LRP12: variants seen among roughly 807,000 people sequenced by gnomAD.
LRP12 encodes the protein low-density lipoprotein receptor-related protein 12.
Under a neutral mutation model 66.0 loss-of-function variants are expected in LRP12, and 14 were observed. That is an observed-to-expected ratio of 0.21 (90% CI 0.14 to 0.33). LRP12 has a LOEUF of 0.33. Among genes scored for constraint, LRP12 ranks in the 10% least tolerant of loss-of-function variants. The pLI is 1.00. For synonymous variants in LRP12, 357 were observed against 359.1 expected (o/e 0.99, Z 0.07); for missense variants, 889 against 1,053.4 (o/e 0.84, Z 2.16).
At chr8:104,502,015 G>C (rs991806826) in intron 3 of LRP12, among the ~76,000 whole-genome samples, 19 of 152,240 alleles carry the variant, frequency 1.2e-4, no homozygotes, top group African/African-American at 3.9e-4. Context: ...TAGAAAATGA[G>C]ATTCTTCTTT....
At chr8:104,492,628 CTT>C (rs1810654523) in intron 6 of LRP12, among the ~76,000 whole-genome samples, 2 of 152,078 alleles carry the variant, frequency 1.3e-5, no homozygotes, top group African/African-American at 4.8e-5. Flanking sequence ...TTCTGTATCT[CTT>C]TGTGACTGGT....
rs1315440661 is a variant in LRP12 at position 104,577,767 on chromosome 8, CG to C, written c.79+11051del. ...CGGAGCTTGCAGTGAGCCAAGACTG[CG>C]CCACTGTGCTCCAGCCTGGGTAACA... is the stretch of plus-strand genomic sequence containing the variant. On this transcript the variant is annotated intron_variant, in intron 1 of 6. Coordinates refer to ENST00000276654, the MANE Select transcript of LRP12 (RefSeq NM_013437.5). 7.5e-5 allele frequency among the ~76,000 whole-genome samples: 11 copies of C among 146,606 alleles called. No homozygotes were observed. In the Admixed American group the frequency reaches 7.7e-4, roughly 10 times the overall value.
At chr8:104,566,756 G>A (rs774791131) in intron 1 of LRP12, among the ~76,000 whole-genome samples, 11 of 152,012 alleles carry the variant, frequency 7.2e-5, no homozygotes, top group Non-Finnish European at 1.0e-4. Flanking sequence ...TCTTCAATAC[G>A]TTATTTAATT....
intron 1 of LRP12, among the ~76,000 whole-genome samples, chr8:104,570,797 C>T (rs1007630180): frequency 6.6e-6 from 1 of 151,922 alleles, no homozygotes; most frequent in African/African-American, 2.4e-5. Context: ...AAAACTTTTC[C>T]TTTGCCAATG....
intron 2 of LRP12, 39 bp from the exon 3 acceptor site, chr8:104,509,113 C>T (rs368532895): frequency 1.3e-6 from 2 of 1,597,396 alleles, no homozygotes; most frequent in Non-Finnish European, 1.7e-6. Context: ...TATTATTACA[C>T]ATTTAAATGG....
At position 104,588,959 on chromosome 8, in the gene LRP12, A is replaced by AGACGAC. The variant is rs780751873; in HGVS notation, c.-68_-63dup. 5.3e-5 allele frequency: 57 copies of AGACGAC among 1,080,614 alleles called. No individual in the cohort carries two copies. The highest frequency in any genetic ancestry group is 2.2e-4 in the Middle Eastern group (1 of 4,506). The allele number at this position is 1,080,614 out of a possible 1,614,324, so 66.9% of individuals were successfully genotyped here. ...GGAGGAGGGAGGAGAAGCTGGAGGT[A>AGACGAC]GACGACGCCGACGCCGCCGCCGCCG... On this transcript the variant is annotated 5_prime_UTR_variant, in exon 1 of 7. Transcript: ENST00000276654.
At chr8:104,521,524 G>C (rs535713640) in intron 2 of LRP12, among the ~76,000 whole-genome samples, 1 of 151,104 alleles carries the variant, frequency 6.6e-6, no homozygotes, top group South Asian at 2.1e-4. Flanking sequence ...AAGGGAGTTC[G>C]CTACTTTAAA....
At chr8:104,502,923 C>T (rs993622546) in intron 3 of LRP12, among the ~76,000 whole-genome samples, 16 of 152,090 alleles carry the variant, frequency 1.1e-4, no homozygotes, top group Admixed American at 3.9e-4. Context: ...AGGTGGCTCA[C>T]GCCGTAATCC....
At chr8:104,581,215 T>C (rs983836309) in intron 1 of LRP12, among the ~76,000 whole-genome samples, 1 of 152,112 alleles carries the variant, frequency 6.6e-6, no homozygotes, top group Non-Finnish European at 1.5e-5. Flanking sequence ...TTCTCACTTA[T>C]AAGTGGGAGC....
At position 104,528,778 on chromosome 8, in the gene LRP12, C is replaced by CA. The variant is rs11315340; in HGVS notation, c.136+3128dup. 0.012 allele frequency among the ~76,000 whole-genome samples: 1,719 copies of CA among 144,196 alleles called. 101 individuals carry two copies. In the East Asian group the frequency reaches 0.18, roughly 15 times the overall value. 94.6% of individuals were successfully genotyped at this position (144,196 alleles called of 152,430 possible). ...CAACAGAGAGAGTGAGACTCCATCT[C>CA]AAAAAAAAAACAACAACAAAAAACA... On this transcript the variant is annotated intron_variant, in intron 2 of 6. Coordinates refer to ENST00000276654, the MANE Select transcript of LRP12 (RefSeq NM_013437.5).
At chr8:104,544,085 A>G (rs995745407) in intron 1 of LRP12, among the ~76,000 whole-genome samples, 1 of 152,234 alleles carries the variant, frequency 6.6e-6, no homozygotes, top group South Asian at 2.1e-4. Flanking sequence ...AACACAAATG[A>G]TAAGAAAGCA....
chr8:104,587,137 T>G (rs1451844635), intron 1 of LRP12, among the ~76,000 whole-genome samples: 1 of 152,166 alleles, frequency 6.6e-6, no homozygotes, highest in Non-Finnish European at 1.5e-5. Flanking sequence ...TGACACAGGT[T>G]TTAATGAAAG....
intron 1 of LRP12, among the ~76,000 whole-genome samples, chr8:104,573,863 A>G (rs1812120738): frequency 6.6e-6 from 1 of 152,070 alleles, no homozygotes; most frequent in Admixed American, 6.5e-5. Flanking sequence ...GGCAGAAGAA[A>G]GCTAAGACTG....
Position 104,490,557 on chromosome 8 carries a change from A to C in LRP12, c.*116T>G, listed in dbSNP as rs978425055. The C allele has an allele frequency of 6.7e-6, 8 of 1,197,970 alleles. No homozygotes were observed. Among genetic ancestry groups the C allele is most frequent in the Non-Finnish European group, 9.3e-6 (8 of 857,814 alleles). 74.2% of individuals were successfully genotyped at this position (1,197,970 alleles called of 1,614,324 possible). On this transcript the variant is annotated 3_prime_UTR_variant, in exon 7 of 7. Coordinates refer to ENST00000276654, the MANE Select transcript of LRP12 (RefSeq NM_013437.5). ...ACCATGCAGGCTAACATATAATAAT[A>C]AGAAATCACCCTGCATTTTTTCTTT...
At chr8:104,588,153 G>C (rs1019171259) in intron 1 of LRP12, among the ~76,000 whole-genome samples, 2 of 152,162 alleles carry the variant, frequency 1.3e-5, no homozygotes, top group African/African-American at 4.8e-5. Flanking sequence ...ATTGAACTAG[G>C]AGTCAGGACA....
At position 104,491,421 on chromosome 8, in the gene LRP12, C is replaced by G; in HGVS notation, c.1832G>C (p.Arg611Thr). The change falls in exon 7 of 7, where the codon AGA (arginine) becomes ACA (threonine). Residue 611 changes from arginine (R) to threonine (T), a missense_variant. By Grantham distance (71) the Arg-to-Thr change is moderately conservative. Transcript: ENST00000276654. The part of the protein sequence containing the change: ...NIWNRIFNFA[R>T]SRHSGSLALV... ...AGCCAATGACCCAGAATGACGTGAT[C>G]TTGCAAAATTAAAAATACGGTTCCA... is the stretch of plus-strand genomic sequence containing the variant. 1 of 1,614,114 alleles carries G rather than the reference C, an allele frequency of 6.2e-7. No homozygotes were observed. The highest frequency in any genetic ancestry group is 8.5e-7 in the Non-Finnish European group (1 of 1,180,024).
At chr8:104,533,372 T>G (rs2140863946) in intron 1 of LRP12, among the ~76,000 whole-genome samples, 1 of 152,036 alleles carries the variant, frequency 6.6e-6, no homozygotes, top group Admixed American at 6.6e-5. Context: ...CCTAAGAAGG[T>G]TTGCCAAAGG....
intron 2 of LRP12, among the ~76,000 whole-genome samples, chr8:104,509,713 C>T (rs115013948): frequency 7.6e-4 from 116 of 152,220 alleles, no homozygotes; most frequent in African/African-American, 2.6e-3. Context: ...GAAAAAAAAT[C>T]GTATGCTGAG....
chr8:104,573,490 T>C (rs1462158482), intron 1 of LRP12, among the ~76,000 whole-genome samples: 1 of 152,174 alleles, frequency 6.6e-6, no homozygotes, highest in Non-Finnish European at 1.5e-5. Context: ...CTATAGCTGA[T>C]GCGTAAGAAG....
Sources: allele counts gnomAD v4.1 joint callset (sites outside exome capture counted in the v4.1 genomes callset), GRCh38; gene constraint gnomAD v4.1.1; transcripts MANE v1.5; gene names NCBI Gene and HGNC (gene_info 2026-07-23, HGNC 2026-07-21).